Variants in BTLA observed in about 807,000 individuals in gnomAD.
BTLA encodes B- and T-lymphocyte attenuator.
In BTLA, 11 loss-of-function variants were observed where a neutral mutation model predicts 25.0. That is an observed-to-expected ratio of 0.44 (90% CI 0.28 to 0.73). The LOEUF (loss-of-function observed/expected upper bound fraction) is 0.73, where lower values mean the gene tolerates loss of function less well. BTLA is among the 30% of genes least tolerant of loss of function. The probability of loss-of-function intolerance (pLI) is 0.15; values close to 1 mark genes in which losing one functional copy is unlikely to be tolerated. For synonymous variants in BTLA, 104 were observed against 119.8 expected, an observed-to-expected ratio of 0.87 and a Z score of 0.86; for missense variants, 282 against 332.8, an observed-to-expected ratio of 0.85 and a Z score of 1.19.
At chr3:112,497,252 C>T (rs558340501) in intron 1 of BTLA, among the ~76,000 whole-genome samples, 2 of 152,138 alleles carry the variant, frequency 1.3e-5, no homozygotes, top group African/African-American at 2.4e-5. Context: ...ACTTACTATG[C>T]GAGGCACTTT....
rs777861136 is a variant in BTLA at position 112,469,780 on chromosome 3, G to C, written c.572C>G (p.Thr191Arg). 2.5e-6 allele frequency: 4 copies of C among 1,609,540 alleles called. No individual in the cohort carries two copies. Among genetic ancestry groups the C allele is most frequent in the East Asian group, 2.2e-5 (1 of 44,780 alleles). ...HQGKQNELSD[T>R]AGREINLVDA... ...TACCAGGTTAATTTCCCTTCCTGCTGTGTCAGAGAGTTCATTTTGCTTTCC... is the reference window on the plus strand; with the variant it reads ...TACCAGGTTAATTTCCCTTCCTGCTCTGTCAGAGAGTTCATTTTGCTTTCC... The change falls in exon 4 of 5, where the codon ACA (threonine) becomes AGA (arginine). Residue 191 changes from threonine to arginine, a missense_variant. Transcript: ENST00000334529.
intron 4 of BTLA, among the ~76,000 whole-genome samples, chr3:112,469,199 T>A (rs1049778733): frequency 1.3e-5 from 2 of 152,148 alleles, no homozygotes; most frequent in Non-Finnish European, 2.9e-5. Context: ...AAAATTCCCT[T>A]CCTTTAGTCT....
intron 1 of BTLA, among the ~76,000 whole-genome samples, chr3:112,493,795 C>A (rs1230644866): frequency 6.6e-6 from 1 of 152,140 alleles, no homozygotes; most frequent in Non-Finnish European, 1.5e-5. Context: ...AGCCACTACA[C>A]CCAGCCTAAA....
chr3:112,490,823 A>C (rs1294727045), intron 1 of BTLA, among the ~76,000 whole-genome samples: 2 of 152,030 alleles, frequency 1.3e-5, no homozygotes, highest in Non-Finnish European at 2.9e-5. Flanking sequence ...CTTCTTATAA[A>C]AACATATCTT....
At position 112,482,422 on chromosome 3, in the gene BTLA, G is replaced by A. The variant is rs115819219; in HGVS notation, c.89-2653C>T. Among the ~76,000 whole-genome samples, 744 of 152,292 alleles carry A rather than the reference G, an allele frequency of 4.9e-3. 7 individuals are homozygous for A. Among genetic ancestry groups the A allele is most frequent in the African/African-American group, 0.017 (700 of 41,544 alleles). ...GATGTTGAACCAAGGAGCAAATTTTGACCCTGAGTTTCTCATACATGTCTA... is the reference window on the plus strand; with the variant it reads ...GATGTTGAACCAAGGAGCAAATTTTAACCCTGAGTTTCTCATACATGTCTA... On this transcript the variant is annotated intron_variant, in intron 1 of 4. Coordinates refer to ENST00000334529, the MANE Select transcript of BTLA (RefSeq NM_181780.4).
Position 112,464,362 on chromosome 3 carries a change from G to A in BTLA, c.*1746C>T. On this transcript the variant is annotated 3_prime_UTR_variant, in exon 5 of 5. Coordinates refer to ENST00000334529, the MANE Select transcript of BTLA (RefSeq NM_181780.4). ...AATTTCGTGTGTTCATCTGATAAGA[G>A]GACAGCTAAATGTATCCTCCCCATA... 5.2e-6 allele frequency: 2 copies of A among 383,784 alleles called. No homozygotes were observed. The highest frequency in any genetic ancestry group is 3.7e-5 in the East Asian group (1 of 27,394). 23.8% of individuals were successfully genotyped at this position (383,784 alleles called of 1,614,324 possible).
rs1396425601 is a variant in BTLA at position 112,488,775 on chromosome 3, G to A, written c.89-9006C>T. On this transcript the variant is annotated intron_variant, in intron 1 of 4. Coordinates refer to ENST00000334529, the MANE Select transcript of BTLA (RefSeq NM_181780.4). ...AATACAGGCACCTGCCACTGCGCCCGGGGAATTTTTATATTTTTAGTAGAG... is the reference window on the plus strand; with the variant it reads ...AATACAGGCACCTGCCACTGCGCCCAGGGAATTTTTATATTTTTAGTAGAG... 2.0e-5 allele frequency among the ~76,000 whole-genome samples: 3 copies of A among 151,916 alleles called. No homozygotes were observed. The East Asian group carries it at 5.8e-4, about 29-fold the overall frequency.
intron 1 of BTLA, among the ~76,000 whole-genome samples, chr3:112,493,642 C>T (rs2082392422): frequency 6.6e-6 from 1 of 152,178 alleles, no homozygotes; most frequent in African/African-American, 2.4e-5. Flanking sequence ...GCTGGTCTTA[C>T]AGGCGTGTCC....
At chr3:112,482,287 G>A (rs909323883) in intron 1 of BTLA, among the ~76,000 whole-genome samples, 1 of 152,016 alleles carries the variant, frequency 6.6e-6, no homozygotes, top group African/African-American at 2.4e-5. Flanking sequence ...CTGAATAGAT[G>A]TACAGTATCA....
chr3:112,495,605 T>C (rs964281544), intron 1 of BTLA, among the ~76,000 whole-genome samples: 9 of 152,208 alleles, frequency 5.9e-5, no homozygotes, highest in Admixed American at 5.9e-4. Flanking sequence ...TTCCTAAACA[T>C]TTATTTAATA....
In BTLA at chr3:112,464,136, A is replaced by G. The variant is rs1273884934; in HGVS notation, c.*1972T>C. The G allele has an allele frequency of 1.5e-5, 6 of 397,970 alleles. No individual in the cohort carries two copies. Among genetic ancestry groups the G allele is most frequent in the Middle Eastern group, 6.2e-4 (1 of 1,602 alleles). 24.7% of individuals were successfully genotyped at this position (397,970 alleles called of 1,614,324 possible). A position where few individuals can be genotyped will look rare whatever the true frequency, so the allele number is the denominator to read the frequency against. On this transcript the variant is annotated 3_prime_UTR_variant, in exon 5 of 5. Transcript: ENST00000334529. ...GAAGTAGAGTCATTTGGGAAAATGCATGTATGTCTCTGACACCATTTTGAA... is the reference window on the plus strand; with the variant it reads ...GAAGTAGAGTCATTTGGGAAAATGCGTGTATGTCTCTGACACCATTTTGAA...
chr3:112,488,228 C>CTTTTTTTTTTTTTTTT (rs546779181), intron 1 of BTLA, among the ~76,000 whole-genome samples: 1 of 124,848 alleles, frequency 8.0e-6, no homozygotes, highest in African/African-American at 3.1e-5. Context: ...TTTCTTTTTT[C>CTTTTTTTTTTTTTTTT]TTTTTTTTTT....
chr3:112,470,589 G>A (rs923979781), intron 3 of BTLA: 2 of 152,210 alleles, frequency 1.3e-5, no homozygotes, highest in African/African-American at 4.8e-5. Flanking sequence ...ATTTGGTCAT[G>A]ACATTGAGAG....
intron 1 of BTLA, among the ~76,000 whole-genome samples, chr3:112,495,818 CA>C (rs2082406158): frequency 6.6e-6 from 1 of 152,062 alleles, no homozygotes; most frequent in Non-Finnish European, 1.5e-5. Context: ...TGTAGTAGAG[CA>C]AAACAATCTG....
At chr3:112,492,655 GC>G (rs1196506537) in intron 1 of BTLA, among the ~76,000 whole-genome samples, 1 of 152,120 alleles carries the variant, frequency 6.6e-6, no homozygotes, top group African/African-American at 2.4e-5. Flanking sequence ...CATTTTCAAA[GC>G]CCTTGAAGAT....
At chr3:112,470,562 C>A (rs1260980791) in intron 3 of BTLA, 1 of 152,208 alleles carries the variant, frequency 6.6e-6, no homozygotes, top group Admixed American at 6.5e-5. Context: ...TCTATGCTTT[C>A]CTCTCTTACT....
chr3:112,479,415 A>G, intron 2 of BTLA, 40 bp downstream of exon 2: 11 of 1,535,388 alleles, frequency 7.2e-6, no homozygotes, highest in Non-Finnish European at 8.8e-6. Context: ...TGGAAACATT[A>G]TAAGAAAAAT....
rs200199480 is a variant in BTLA, at chr3:112,467,271, AC to A, written c.595-889del. The stretch of plus-strand genomic sequence containing the variant: ...CACCACTCCCGGCAAGAAAATTCTT[AC>A]CGTTTCAAATATAGCCAAATATCTT... On this transcript the variant is annotated intron_variant, in intron 4 of 4. Transcript: ENST00000334529. 6.6e-3 allele frequency among the ~76,000 whole-genome samples: 1,011 copies of A among 152,258 alleles called. 5 individuals are homozygous for A. The highest frequency in any genetic ancestry group is 0.014 in the Middle Eastern group (4 of 294).
At chr3:112,498,465 C>A (rs1343514721) in intron 1 of BTLA, among the ~76,000 whole-genome samples, 1 of 151,092 alleles carries the variant, frequency 6.6e-6, no homozygotes, top group Non-Finnish European at 1.5e-5. Context: ...CCTGAAAAAT[C>A]AGAAGCTTCT....
Sources: gnomAD v4.1 joint callset for allele counts (sites outside exome capture counted in the v4.1 genomes callset) on GRCh38, gnomAD v4.1.1 for gene constraint, MANE v1.5 for transcripts, NCBI Gene and HGNC (gene_info 2026-07-23, HGNC 2026-07-21) for gene names.